The following KCNIP4 variants were observed in gnomAD, a reference collection of about 807,000 sequenced individuals.
KCNIP4 encodes potassium voltage-gated channel interacting protein 4, also known as Kv channel-interacting protein 4.
KCNIP4 carries 12 observed loss-of-function variants against 34.0 expected under a neutral mutation model. The observed-to-expected ratio is 0.35, with a 90% CI of 0.23 to 0.57. KCNIP4 has a LOEUF of 0.57. Among genes scored for constraint, KCNIP4 ranks in the 20% least tolerant of loss-of-function variants. The probability of loss-of-function intolerance (pLI) is 0.83; values close to 1 mark genes in which losing one functional copy is unlikely to be tolerated. For synonymous variants in KCNIP4, 124 were observed against 102.2 expected, an observed-to-expected ratio of 1.21 and a Z score of -1.29; for missense variants, 238 against 311.7, an observed-to-expected ratio of 0.76 and a Z score of 1.78.
intron 1 of KCNIP4, among the ~76,000 whole-genome samples, chr4:21,893,179 CTGTG>C (rs1009893714): frequency 8.0e-4 from 122 of 152,068 alleles, no homozygotes; most frequent in African/African-American, 2.7e-3. Flanking sequence ...GTGTGTGTGT[CTGTG>C]TGTGTATGTG....
intron 1 of KCNIP4, among the ~76,000 whole-genome samples, chr4:21,911,020 G>T (rs1386122852): frequency 6.6e-6 from 1 of 152,022 alleles, no homozygotes; most frequent in African/African-American, 2.4e-5. Context: ...TTTATTGACT[G>T]TTTACAGTTT....
chr4:20,947,215 G>A (rs1000949074), intron 1 of KCNIP4, among the ~76,000 whole-genome samples: 1 of 152,004 alleles, frequency 6.6e-6, no homozygotes, highest in African/African-American at 2.4e-5. Context: ...GCTGTCCAGG[G>A]TGGAGTGCAG....
At chr4:21,942,216 A>T (rs1730242289) in intron 1 of KCNIP4, among the ~76,000 whole-genome samples, 1 of 152,276 alleles carries the variant, frequency 6.6e-6, no homozygotes, top group African/African-American at 2.4e-5. Flanking sequence ...TCCTTTCCAC[A>T]TCCACTGCTG....
At chr4:21,120,022 C>T (rs191553758) in intron 1 of KCNIP4, among the ~76,000 whole-genome samples, 7 of 152,042 alleles carry the variant, frequency 4.6e-5, no homozygotes, top group Admixed American at 4.6e-4. Flanking sequence ...AGGAACCATC[C>T]CTGGGATTGT....
chr4:20,871,141 A>C (rs1374971831), intron 2 of KCNIP4, among the ~76,000 whole-genome samples: 1 of 152,150 alleles, frequency 6.6e-6, no homozygotes, highest in Non-Finnish European at 1.5e-5. Context: ...TTAAATATTG[A>C]TTGAGTGCCT....
intron 3 of KCNIP4, among the ~76,000 whole-genome samples, chr4:20,839,254 G>A (rs1338581271): frequency 1.3e-5 from 2 of 152,052 alleles, no homozygotes; most frequent in African/African-American, 4.8e-5. Context: ...GACATCCAGT[G>A]CTTAGCATGT....
At chr4:20,861,238 A>C (rs183364812) in intron 2 of KCNIP4, among the ~76,000 whole-genome samples, 99 of 152,270 alleles carry the variant, frequency 6.5e-4, no homozygotes, top group African/African-American at 2.2e-3. Context: ...GCAACTCTTT[A>C]AACTTTGACA....
chr4:21,123,448 C>T (rs966902072), intron 1 of KCNIP4, among the ~76,000 whole-genome samples: 6 of 152,064 alleles, frequency 3.9e-5, no homozygotes, highest in Admixed American at 3.3e-4. Context: ...TGGCAATTTT[C>T]AAACTTTTTG....
intron 1 of KCNIP4, among the ~76,000 whole-genome samples, chr4:21,224,451 C>T (rs765496469): frequency 6.6e-6 from 1 of 151,928 alleles, no homozygotes; most frequent in Non-Finnish European, 1.5e-5. Context: ...CCTCATCTCC[C>T]AATGCCATTA....
At chr4:21,502,171 T>C (rs757316268) in intron 1 of KCNIP4, among the ~76,000 whole-genome samples, 1 of 152,084 alleles carries the variant, frequency 6.6e-6, no homozygotes, top group Non-Finnish European at 1.5e-5. Flanking sequence ...TTGTAATATC[T>C]TAGTAGCCCA....
chr4:21,659,629 T>C (rs1015475506), intron 1 of KCNIP4, among the ~76,000 whole-genome samples: 2 of 152,182 alleles, frequency 1.3e-5, no homozygotes, highest in African/African-American at 2.4e-5. Context: ...ATTTTGAAGA[T>C]TAAGAAAAAT....
At chr4:21,183,724 A>G (rs967309264) in intron 1 of KCNIP4, among the ~76,000 whole-genome samples, 9 of 151,892 alleles carry the variant, frequency 5.9e-5, no homozygotes, top group African/African-American at 1.9e-4. Flanking sequence ...CTGATTTCCA[A>G]TTGCAGGTCT....
chr4:20,811,778 C>T (rs1715799891), intron 3 of KCNIP4, among the ~76,000 whole-genome samples: 1 of 152,174 alleles, frequency 6.6e-6, no homozygotes, highest in Non-Finnish European at 1.5e-5. Flanking sequence ...CTTCATCACA[C>T]ATTGTACAGG....
intron 1 of KCNIP4, among the ~76,000 whole-genome samples, chr4:21,790,164 A>G (rs7664829): frequency 0.11 from 16,042 of 152,242 alleles, 2,888 homozygotes; most frequent in African/African-American, 0.37. Context: ...TAAGCCATGG[A>G]AAGAGAGAAT....
At chr4:21,730,308 C>G (rs1444071650) in intron 1 of KCNIP4, among the ~76,000 whole-genome samples, 1 of 152,130 alleles carries the variant, frequency 6.6e-6, no homozygotes, top group Non-Finnish European at 1.5e-5. Flanking sequence ...ACATTTGCAA[C>G]TTAATATTAT....
intron 1 of KCNIP4, among the ~76,000 whole-genome samples, chr4:21,597,022 G>A (rs1742702771): frequency 6.6e-6 from 1 of 152,044 alleles, no homozygotes; most frequent in African/African-American, 2.4e-5. Context: ...CATCATGGGG[G>A]TGGTGGTGGT....
At chr4:21,587,067 C>T (rs943351948) in intron 1 of KCNIP4, among the ~76,000 whole-genome samples, 2 of 152,042 alleles carry the variant, frequency 1.3e-5, no homozygotes, top group African/African-American at 4.8e-5. Context: ...CCAAGGACTG[C>T]TTTGCATCTA....
intron 1 of KCNIP4, among the ~76,000 whole-genome samples, chr4:21,629,807 T>A (rs187707332): frequency 2.0e-5 from 3 of 151,636 alleles, no homozygotes; most frequent in Admixed American, 6.6e-5. Context: ...AAATTAGTAA[T>A]GTCTTGATGT....
intron 1 of KCNIP4, among the ~76,000 whole-genome samples, chr4:21,261,331 ATTTC>A (rs1275169710): frequency 2.0e-5 from 3 of 150,476 alleles, no homozygotes; most frequent in Non-Finnish European, 2.9e-5. Context: ...TTGAGAAAAG[ATTTC>A]TTTAAGATTA....
Sources: gnomAD v4.1 joint callset for allele counts (sites outside exome capture counted in the v4.1 genomes callset) on GRCh38, gnomAD v4.1.1 for gene constraint, MANE v1.5 for transcripts, NCBI Gene and HGNC (gene_info 2026-07-23, HGNC 2026-07-21) for gene names.